SCGB1C2: variants seen among roughly 807,000 people sequenced by gnomAD.
SCGB1C2 encodes secretoglobin family 1C member 2.
Under a neutral mutation model 8.4 loss-of-function variants are expected in SCGB1C2, and 3 were observed. The observed-to-expected ratio is 0.36, with a 90% CI of 0.16 to 0.92. The LOEUF (loss-of-function observed/expected upper bound fraction) is 0.92, where lower values mean the gene tolerates loss of function less well. SCGB1C2 is among the 40% of genes least tolerant of loss of function. The pLI, the probability that SCGB1C2 is intolerant of heterozygous loss-of-function variation, is 0.45. For synonymous variants in SCGB1C2, 18 were observed against 44.9 expected (o/e 0.40, Z 2.39); for missense variants, 54 against 105.7 (o/e 0.51, Z 2.14).
Position 138,296 on chromosome 17 carries a change from T to C in SCGB1C2, c.149T>C (p.Leu50Ser). 1.9e-6 allele frequency: 3 copies of C among 1,547,546 alleles called. No homozygotes were observed. Among genetic ancestry groups the C allele is most frequent in the Non-Finnish European group, 2.7e-6 (3 of 1,125,100 alleles). Residue 50 changes from leucine to serine, a missense_variant, in exon 2 of 3, where the codon TTG becomes TCG. Leu to Ser is a moderately radical substitution (Grantham distance 145). This residue lies in a region of SCGB1C2 where 54 missense variants were observed against 68.0 expected (regional missense o/e 0.79). Transcript: ENST00000595228. ...CCAGAGGAGCTCTATGAGGGGACCTTGGGCAAGTACAATGTCAACGAAGAT... is the reference window on the plus strand; with the variant it reads ...CCAGAGGAGCTCTATGAGGGGACCTCGGGCAAGTACAATGTCAACGAAGAT... ...GTPEELYEGT[L>S]GKYNVNEDAK... is the part of the protein sequence containing the mutation.
rs1897295361 is a variant in SCGB1C2 at position 138,378 on chromosome 17, C to G, written c.231C>G (p.His77Gln). The change falls in exon 2 of 3, where the codon CAC becomes CAG. Residue 77 changes from histidine (H) to glutamine (Q), a missense_variant. By Grantham distance (24) the His-to-Gln change is conservative. Coordinates refer to ENST00000595228, the MANE Select transcript of SCGB1C2 (RefSeq NM_001097610.3). ...GCAGAGATGGCCTGCAGCCAATGCA[C>G]AAGGCGGAGCTGGTCAAGCTGCTGG... is the stretch of plus-strand genomic sequence containing the variant. ...KSCRDGLQPMHKAELVKLLVQ... is the reference protein window; with the variant it reads ...KSCRDGLQPMQKAELVKLLVQ... 2 of 1,611,606 alleles carry G rather than the reference C, an allele frequency of 1.2e-6. No homozygotes were observed. The highest frequency in any genetic ancestry group is 2.7e-5 in the African/African-American group (2 of 74,528).
At position 138,297 on chromosome 17, in the gene SCGB1C2, G is replaced by A. The variant is rs1275456808; in HGVS notation, c.150G>A (p.Leu50=). 3.2e-6 allele frequency: 5 copies of A among 1,549,020 alleles called. No homozygotes were observed. Among genetic ancestry groups the A allele is most frequent in the Non-Finnish European group, 4.4e-6 (5 of 1,126,080 alleles). ...GTPEELYEGT[L]GKYNVNEDAK... ...CAGAGGAGCTCTATGAGGGGACCTT[G>A]GGCAAGTACAATGTCAACGAAGATG... is the stretch of plus-strand genomic sequence containing the variant. Residue 50 remains leucine (L), a synonymous_variant, in exon 2 of 3, where the codon TTG becomes TTA. Coordinates refer to ENST00000595228, the MANE Select transcript of SCGB1C2 (RefSeq NM_001097610.3).
In SCGB1C2 at chr17:138,280, C is replaced by G; in HGVS notation, c.133C>G (p.Leu45Val). ...QTLLVGTPEE[L>V]YEGTLGKYNV... ...ACTACTGGTGGGGACCCCAGAGGAGCTCTATGAGGGGACCTTGGGCAAGTA... is the reference window on the plus strand; with the variant it reads ...ACTACTGGTGGGGACCCCAGAGGAGGTCTATGAGGGGACCTTGGGCAAGTA... Residue 45 changes from leucine to valine, a missense_variant, in exon 2 of 3, where the codon CTC becomes GTC. This residue lies in a region of SCGB1C2 where 54 missense variants were observed against 68.0 expected (regional missense o/e 0.79). Transcript: ENST00000595228. 1 of 1,239,702 alleles carries G rather than the reference C, an allele frequency of 8.1e-7. No individual in the cohort carries two copies. Among genetic ancestry groups the G allele is most frequent in the African/African-American group, 1.5e-5 (1 of 65,882 alleles). The allele number at this position is 1,239,702 out of a possible 1,614,324, so 76.8% of individuals were successfully genotyped here. A position where few individuals can be genotyped will look rare whatever the true frequency, so the allele number is the denominator to read the frequency against.
At chr17:138,745 GTGTGCACACCATCACA>G (rs1390986912) in intron 2 of SCGB1C2, among the ~76,000 whole-genome samples, 149 bp from the exon 3 acceptor site, 1 of 83,118 alleles carries the variant, frequency 1.2e-5, no homozygotes, top group Non-Finnish European at 2.6e-5. Context: ...ACACATACAT[GTGTGCACACCATCACA>G]TGTGCACACA....
At chr17:138,506 C>T (rs1833080079) in intron 2 of SCGB1C2, 104 bp downstream of exon 2, 2 of 534,934 alleles carry the variant, frequency 3.7e-6, no homozygotes, top group Admixed American at 3.7e-5. Context: ...CATCCACCAC[C>T]CACAGACATT....
intron 2 of SCGB1C2, 92 bp from the exon 3 acceptor site, chr17:138,818 C>T (rs1170961495): frequency 1.5e-6 from 1 of 659,924 alleles, no homozygotes; most frequent in African/African-American, 2.5e-5. Context: ...TGCCAGACCC[C>T]CCCCCCACTG....
In SCGB1C2 at chr17:138,359, A is replaced by C; in HGVS notation, c.212A>C (p.Asp71Ala). 1 of 1,612,902 alleles carries C rather than the reference A, an allele frequency of 6.2e-7. No homozygotes were observed. Among genetic ancestry groups the C allele is most frequent in the Non-Finnish European group, 8.5e-7 (1 of 1,179,840 alleles). Residue 71 changes from aspartate (D) to alanine (A), a missense_variant, in exon 2 of 3, where the codon GAT becomes GCT. Asp to Ala is a moderately radical substitution (Grantham distance 126). Coordinates refer to ENST00000595228, the MANE Select transcript of SCGB1C2 (RefSeq NM_001097610.3). Reference sequence around the variant, plus strand: ...ATGACTGAACTCAAGTCCTGCAGAGATGGCCTGCAGCCAATGCACAAGGCG... The same window carrying C: ...ATGACTGAACTCAAGTCCTGCAGAGCTGGCCTGCAGCCAATGCACAAGGCG... ...AAMTELKSCR[D>A]GLQPMHKAEL...
chr17:138,777 C>T, intron 2 of SCGB1C2, 133 bp from the exon 3 acceptor site: 1 of 525,870 alleles, frequency 1.9e-6, no homozygotes, highest in South Asian at 2.0e-5. Flanking sequence ...ACACACACCT[C>T]CCAGCTGCTG....
intron 1 of SCGB1C2, among the ~76,000 whole-genome samples, chr17:138,000 C>G (rs1221616272): frequency 4.5e-5 from 3 of 66,036 alleles, no homozygotes; most frequent in South Asian, 5.2e-4. Context: ...GAAATTGGAG[C>G]AGCTAAGATT....
Position 138,323 on chromosome 17 carries a change from C to T in SCGB1C2, c.176C>T (p.Ala59Val), listed in dbSNP as rs1172763621. The T allele has an allele frequency of 3.7e-5, 59 of 1,610,834 alleles. No individual in the cohort carries two copies. The African/African-American group carries it at 6.7e-4, about 18-fold the overall frequency. Residue 59 changes from alanine to valine, a missense_variant, in exon 2 of 3, where the codon GCC (alanine) becomes GTC (valine). Physicochemically the swap from Ala to Val is moderately conservative, Grantham distance 64. Around this residue, in one of 2 missense-constraint regions of SCGB1C2, gnomAD observed 54 missense variants for 68.0 expected, o/e 0.79. Transcript: ENST00000595228. ...GGCAAGTACAATGTCAACGAAGATG[C>T]CAAGGCAGCAATGACTGAACTCAAG... ...TLGKYNVNED[A>V]KAAMTELKSC... is the part of the protein sequence containing the mutation.
chr17:138,376 C>G lies in SCGB1C2; in HGVS notation c.229C>G (p.His77Asp). 1 of 1,611,918 alleles carries G rather than the reference C, an allele frequency of 6.2e-7. No homozygotes were observed. Among genetic ancestry groups the G allele is most frequent in the Non-Finnish European group, 8.5e-7 (1 of 1,179,568 alleles). Residue 77 changes from histidine to aspartate, a missense_variant, in exon 2 of 3, where the codon CAC (histidine) becomes GAC (aspartate). His to Asp is a moderately conservative substitution (Grantham distance 81). Transcript: ENST00000595228. Reference sequence around the variant, plus strand: ...CTGCAGAGATGGCCTGCAGCCAATGCACAAGGCGGAGCTGGTCAAGCTGCT... The same window carrying G: ...CTGCAGAGATGGCCTGCAGCCAATGGACAAGGCGGAGCTGGTCAAGCTGCT... ...KSCRDGLQPM[H>D]KAELVKLLVQ...
rs1177648502 is a variant in SCGB1C2, at chr17:138,444, C to A, written c.255+42C>A. 287 of 1,021,764 alleles carry A rather than the reference C, an allele frequency of 2.8e-4. No homozygotes were observed. The South Asian group carries it at 4.2e-3, about 15-fold the overall frequency. The allele number at this position is 1,021,764 out of a possible 1,614,324, so 63.3% of individuals were successfully genotyped here. On this transcript the variant is annotated intron_variant, in intron 2 of 2. Transcript: ENST00000595228. ...CACCCCATTTTCTAAAGATCTGCAG[C>A]CTTACCAAGACCACCCAACACAGCA...
chr17:138,816 C>CCCG (rs2039968820), intron 2 of SCGB1C2, 94 bp from the exon 3 acceptor site: 1 of 639,240 alleles, frequency 1.6e-6, no homozygotes, highest in Non-Finnish European at 2.7e-6. Context: ...TATGCCAGAC[C>CCCG]CCCCCCCCAC....
Position 138,269 on chromosome 17 carries a change from C to A in SCGB1C2, c.122C>A (p.Thr41Asn). 4.9e-6 allele frequency: 6 copies of A among 1,228,358 alleles called. No individual in the cohort carries two copies. Among genetic ancestry groups the A allele is most frequent in the Non-Finnish European group, 7.2e-6 (6 of 838,808 alleles). The allele number at this position is 1,228,358 out of a possible 1,614,324, so 76.1% of individuals were successfully genotyped here. ...MDFLQTLLVG[T>N]PEELYEGTLG... ...TTCCTGCAAACACTACTGGTGGGGA[C>A]CCCAGAGGAGCTCTATGAGGGGACC... The change falls in exon 2 of 3, where the codon ACC becomes AAC. Residue 41 changes from threonine (T) to asparagine (N), a missense_variant. Physicochemically the swap from Thr to Asn is moderately conservative, Grantham distance 65 (BLOSUM62 0). Coordinates refer to ENST00000595228, the MANE Select transcript of SCGB1C2 (RefSeq NM_001097610.3).
At position 138,855 on chromosome 17, in the gene SCGB1C2, T is replaced by C. The variant is rs1352610519; in HGVS notation, c.256-55T>C. On this transcript the variant is annotated intron_variant, in intron 2 of 2. Coordinates refer to ENST00000595228, the MANE Select transcript of SCGB1C2 (RefSeq NM_001097610.3). ...GGGCCTTGCTTGCCTGATGGAGCTG[T>C]GGCTCTCCACTTATTGAGCACAGCC... The C allele has an allele frequency of 3.6e-3, 1,973 of 541,814 alleles. 32 individuals carry two copies. The East Asian group carries it at 0.059, about 16-fold the overall frequency. The allele number at this position is 541,814 out of a possible 1,614,324, so 33.6% of individuals were successfully genotyped here. A position where few individuals can be genotyped will look rare whatever the true frequency, so the allele number is the denominator to read the frequency against.
intron 2 of SCGB1C2, 68 bp downstream of exon 2, chr17:138,470 C>T (rs1255914995): frequency 0.17 from 113,727 of 669,836 alleles, 6,607 homozygotes; most frequent in Middle Eastern, 0.29. Context: ...CAACACAGCA[C>T]CCACACAGCC....
intron 2 of SCGB1C2, among the ~76,000 whole-genome samples, 163 bp downstream of exon 2, chr17:138,565 C>T (rs1486902265): frequency 1.1e-4 from 11 of 101,954 alleles, no homozygotes; most frequent in East Asian, 5.3e-4. Context: ...TCCTGTCCAC[C>T]GAGCAGCCCC....
intron 2 of SCGB1C2, 54 bp downstream of exon 2, chr17:138,456 C>G (rs1239177044): frequency 2.4e-6 from 2 of 825,166 alleles, no homozygotes; most frequent in African/African-American, 3.9e-5. Flanking sequence ...TTACCAAGAC[C>G]ACCCAACACA....
Position 138,930 on chromosome 17 carries a change from G to A in SCGB1C2, c.276G>A (p.Gln92=). ...TCCAGGTGCAAGTGCTGGGCAGTCA[G>A]GACGGTGCCTAAGTGGACCTCAGAC... ...VKLLVQVLGS[Q]DGA Residue 92 remains glutamine (Q), a synonymous_variant, in exon 3 of 3, where the codon CAG becomes CAA. Coordinates refer to ENST00000595228, the MANE Select transcript of SCGB1C2 (RefSeq NM_001097610.3). The A allele has an allele frequency of 1.4e-6, 1 of 701,282 alleles. No homozygotes were observed. Among genetic ancestry groups the A allele is most frequent in the Non-Finnish European group, 2.5e-6 (1 of 406,802 alleles). 43.4% of individuals were successfully genotyped at this position (701,282 alleles called of 1,614,324 possible). A position where few individuals can be genotyped will look rare whatever the true frequency, so the allele number is the denominator to read the frequency against.
Sources: gnomAD v4.1 joint callset for allele counts (sites outside exome capture counted in the v4.1 genomes callset) on GRCh38, gnomAD v4.1.1 for gene constraint, gnomAD v4.1.1 regional missense constraint, MANE v1.5 for transcripts, NCBI Gene and HGNC (gene_info 2026-07-23, HGNC 2026-07-21) for gene names.